EPB41: variants seen among roughly 807,000 people sequenced by gnomAD.
EPB41 encodes erythrocyte membrane protein band 4.1.
In EPB41, 65 loss-of-function variants were observed where a neutral mutation model predicts 108.0. The ratio of observed to expected loss-of-function variants is 0.60; its 90% confidence interval spans 0.49 to 0.74. The LOEUF (loss-of-function observed/expected upper bound fraction) is 0.74. Among genes scored for constraint, EPB41 ranks in the 30% least tolerant of loss-of-function variants. The pLI, the probability that EPB41 is intolerant of heterozygous loss-of-function variation, is 0.00. For missense variants in EPB41, 875 were observed against 1,037.0 expected, an observed-to-expected ratio of 0.84 and a Z score of 2.15; for synonymous variants, 336 against 358.9, an observed-to-expected ratio of 0.94 and a Z score of 0.72.
rs369713323 is a variant in EPB41, at chr1:29,039,353, T to G, written c.1563T>G (p.Ser521Arg). Reference protein sequence around the residue: ...GRTQAQTRQASALIDRPAPHF... With the variant: ...GRTQAQTRQARALIDRPAPHF... ...CTCAAGCTCAGACCAGGCAAGCTAGTGCTCTAATTGACAGGCCTGCCCCAC... is the reference window on the plus strand; with the variant it reads ...CTCAAGCTCAGACCAGGCAAGCTAGGGCTCTAATTGACAGGCCTGCCCCAC... The change falls in exon 11 of 21, where the codon AGT becomes AGG. Residue 521 changes from serine (S) to arginine (R), a missense_variant. Ser to Arg is a moderately radical substitution (Grantham distance 110, BLOSUM62 -1). Transcript: ENST00000343067. 6.2e-7 allele frequency: 1 copy of G among 1,614,074 alleles called. No individual in the cohort carries two copies. Among genetic ancestry groups the G allele is most frequent in the African/African-American group, 1.3e-5 (1 of 74,916 alleles).
intron 2 of EPB41, among the ~76,000 whole-genome samples, chr1:28,990,933 G>A (rs1426248817): frequency 6.6e-6 from 1 of 151,966 alleles, no homozygotes; most frequent in African/African-American, 2.4e-5. Context: ...TTGTCCGTAG[G>A]TTATTTGTCT....
chr1:29,057,484 A>G (rs539424696), intron 12 of EPB41, among the ~76,000 whole-genome samples: 7 of 151,784 alleles, frequency 4.6e-5, no homozygotes, highest in African/African-American at 1.7e-4. Context: ...TGACAGTGTC[A>G]CTAATTTTGG....
upstream of EPB41, among the ~76,000 whole-genome samples, chr1:28,913,208 G>A (rs2092348152): frequency 6.6e-6 from 1 of 152,072 alleles, no homozygotes; most frequent in African/African-American, 2.4e-5. Context: ...CAGCACTTTG[G>A]GAGGCCGAGA....
intron 17 of EPB41, among the ~76,000 whole-genome samples, chr1:29,102,634 C>T (rs1234251169): frequency 6.6e-6 from 1 of 152,132 alleles, no homozygotes; most frequent in African/African-American, 2.4e-5. Context: ...GTAGCCCAGG[C>T]TGGAGTGCAG....
intron 6 of EPB41, among the ~76,000 whole-genome samples, chr1:29,017,277 C>T (rs1417256169): frequency 6.6e-6 from 1 of 152,166 alleles, no homozygotes; most frequent in Non-Finnish European, 1.5e-5. Context: ...CTAATTATAG[C>T]AAAATGTTAT....
intron 16 of EPB41, chr1:29,068,915 C>A: frequency 2.6e-6 from 2 of 770,496 alleles, no homozygotes; most frequent in Non-Finnish European, 3.5e-6. Flanking sequence ...CTAGTAAATT[C>A]ACACCCACAG....
At chr1:28,973,031 G>T (rs759970682) in intron 1 of EPB41, among the ~76,000 whole-genome samples, 5 of 152,114 alleles carry the variant, frequency 3.3e-5, no homozygotes, top group Admixed American at 6.6e-5. Flanking sequence ...TATTCTAGAG[G>T]TGCTAATTAG....
In EPB41 at chr1:28,966,681, G is replaced by A. The variant is rs140441583; in HGVS notation, c.-7-20750G>A. Among the ~76,000 whole-genome samples the A allele has an allele frequency of 9.8e-3, 1,497 of 152,294 alleles. 6 individuals carry two copies. Among genetic ancestry groups the A allele is most frequent in the Non-Finnish European group, 0.014 (974 of 68,024 alleles). ...ACCAAGGAAAGCCTCACTGGAGGTG[G>A]TATTTGAGTAAAAACCCAAAGGAAG... On this transcript the variant is annotated intron_variant, in intron 1 of 20. Transcript: ENST00000343067.
intron 1 of EPB41, among the ~76,000 whole-genome samples, chr1:28,944,629 T>C (rs1457548946): frequency 6.9e-6 from 1 of 143,908 alleles, no homozygotes; most frequent in Non-Finnish European, 1.5e-5. Context: ...CTCCGCCTCC[T>C]GGGTTCAAGT....
In EPB41 at chr1:28,984,967, CT is replaced by C. The variant is rs1421352310; in HGVS notation, c.-7-2455del. On this transcript the variant is annotated intron_variant, in intron 1 of 20. Transcript: ENST00000343067. Reference sequence around the variant, plus strand: ...AGCCACCATGCCCAGCCCCCAAAAACTTTTTTTTTGTTTTTGAGATGGAGTC... The same window carrying C: ...AGCCACCATGCCCAGCCCCCAAAAACTTTTTTTTGTTTTTGAGATGGAGTC... Among the ~76,000 whole-genome samples, 4 of 148,902 alleles carry C rather than the reference CT, an allele frequency of 2.7e-5. No homozygotes were observed. The South Asian group carries it at 6.4e-4, about 24-fold the overall frequency.
chr1:29,018,257 A>G lies in EPB41; in HGVS notation c.939A>G (p.Ile313Met). The G allele has an allele frequency of 6.2e-7, 1 of 1,614,084 alleles. No homozygotes were observed. Among genetic ancestry groups the G allele is most frequent in the Non-Finnish European group, 8.5e-7 (1 of 1,180,028 alleles). Residue 313 changes from isoleucine to methionine, a missense_variant, in exon 7 of 21, where the codon ATA becomes ATG. By Grantham distance (10) the Ile-to-Met change is conservative. This residue lies in a region of EPB41 where 353 missense variants were observed against 393.2 expected (regional missense o/e 0.90). Transcript: ENST00000343067. This position sits in a 1 kb window ranked among gnomAD's most constrained non-coding sequence, Gnocchi z 4.4. ...YYLCLQLRQD[I>M]VAGRLPCSFA... ...TATGTCTTCAGCTTCGGCAGGACAT[A>G]GTTGCAGGACGTCTGCCCTGTTCCT...
chr1:28,955,649 G>A (rs1344830039), intron 1 of EPB41, among the ~76,000 whole-genome samples: 1 of 151,924 alleles, frequency 6.6e-6, no homozygotes, highest in Non-Finnish European at 1.5e-5. Flanking sequence ...CAGCCCTGAT[G>A]ATCTATTTTT....
In EPB41 at chr1:29,073,578, T is replaced by G. The variant is rs370197498; in HGVS notation, c.2184+8420T>G. On this transcript the variant is annotated intron_variant, in intron 16 of 20. Transcript: ENST00000343067. ...TTTCCATCTACTCCTTATTGATATT[T>G]GACCACTTTACTAATTTTCCAAATT... 7.2e-5 allele frequency among the ~76,000 whole-genome samples: 11 copies of G among 152,348 alleles called. No homozygotes were observed. The South Asian group carries it at 2.3e-3, about 32-fold the overall frequency.
intron 1 of EPB41, among the ~76,000 whole-genome samples, chr1:28,905,938 C>T (rs903551435): frequency 1.3e-5 from 2 of 151,884 alleles, no homozygotes; most frequent in Admixed American, 6.6e-5. Flanking sequence ...CTGCCTCAGC[C>T]TCCAGAGTAG....
At chr1:28,908,585 C>A (rs1051845148) in intron 1 of EPB41, among the ~76,000 whole-genome samples, 2 of 150,296 alleles carry the variant, frequency 1.3e-5, no homozygotes, top group Non-Finnish European at 3.0e-5. Flanking sequence ...GCGTGTGCCA[C>A]CACGCCTGGC....
intron 1 of EPB41, among the ~76,000 whole-genome samples, chr1:28,941,894 CAAAA>C (rs58524634): frequency 1.7e-4 from 11 of 64,864 alleles, no homozygotes; most frequent in African/African-American, 3.5e-4. Flanking sequence ...AGCTCTGTCT[CAAAA>C]AAAAAAAAAA....
intron 1 of EPB41, among the ~76,000 whole-genome samples, chr1:28,955,585 C>T (rs984777420): frequency 6.6e-6 from 1 of 152,078 alleles, no homozygotes. Flanking sequence ...CCTCATGATC[C>T]GCTCACCTTG....
rs192902105 is a variant in EPB41 at position 29,090,242 on chromosome 1, G to A, written c.2185-7565G>A. 1.5e-4 allele frequency among the ~76,000 whole-genome samples: 23 copies of A among 152,268 alleles called. No homozygotes were observed. The East Asian group carries it at 1.9e-3, about 13-fold the overall frequency. ...TGCACCACTCTACTCCAGCCTGGGC[G>A]AAGAGCTTGAACAAAGGTAGTAAAT... On this transcript the variant is annotated intron_variant, in intron 16 of 20. Transcript: ENST00000343067.
intron 7 of EPB41, among the ~76,000 whole-genome samples, chr1:29,028,923 A>AC (rs1351532572): frequency 2.0e-5 from 3 of 151,844 alleles, no homozygotes; most frequent in Non-Finnish European, 4.4e-5. Flanking sequence ...GCACCTGTAG[A>AC]CCCAGCTACT....
Sources: allele counts gnomAD v4.1 joint callset (sites outside exome capture counted in the v4.1 genomes callset), GRCh38; gene constraint gnomAD v4.1.1; regional missense constraint gnomAD v4.1.1; non-coding constraint Gnocchi (gnomAD v3.1); transcripts MANE v1.5; gene names NCBI Gene and HGNC (gene_info 2026-07-23, HGNC 2026-07-21).